The following TMEM50A variants were observed in gnomAD, a reference collection of about 807,000 sequenced individuals.
TMEM50A encodes cervical cancer oncogene 9.
TMEM50A carries 8 observed loss-of-function variants against 23.9 expected under a neutral mutation model. That is an observed-to-expected ratio of 0.33 (90% CI 0.20 to 0.60). The LOEUF (loss-of-function observed/expected upper bound fraction) is 0.60. TMEM50A is among the 20% of genes least tolerant of loss of function. The pLI, the probability that TMEM50A is intolerant of heterozygous loss-of-function variation, is 0.81. For missense variants in TMEM50A, 178 were observed against 192.7 expected (o/e 0.92, Z 0.45); for synonymous variants, 55 against 60.4 (o/e 0.91, Z 0.41).
chr1:25,340,728 T>C lies in TMEM50A; in HGVS notation c.93+149T>C, dbSNP rs10493027. ...ATATTTTGTTGTTTGTGGAGAGTTATTAGTTCCACTTTAAGAGTTTATGGT... is the reference window on the plus strand; with the variant it reads ...ATATTTTGTTGTTTGTGGAGAGTTACTAGTTCCACTTTAAGAGTTTATGGT... On this transcript the variant is annotated intron_variant, in intron 2 of 6. Transcript: ENST00000374358. 3.6e-3 allele frequency: 2,196 copies of C among 609,316 alleles called. 29 individuals are homozygous for C. Among genetic ancestry groups the C allele is most frequent in the East Asian group, 0.023 (779 of 33,448 alleles). 37.7% of individuals were successfully genotyped at this position (609,316 alleles called of 1,614,324 possible).
rs753671964 is a variant in TMEM50A at position 25,351,658 on chromosome 1, G to A, written c.239G>A (p.Gly80Asp). 3.7e-6 allele frequency: 6 copies of A among 1,613,598 alleles called. No homozygotes were observed. The highest frequency in any genetic ancestry group is 5.1e-6 in the Non-Finnish European group (6 of 1,179,872). ...GCAGTATCGAATGGACAAGTCCGAG[G>A]TGATAGTTACAGTGAAGGTTGTCTG... The part of the protein sequence containing the change: ...INAVSNGQVR[G>D]DSYSEGCLGQ... The change falls in exon 4 of 7, where the codon GGT becomes GAT. Residue 80 changes from glycine to aspartate, a missense_variant. By Grantham distance (94) the Gly-to-Asp change is moderately conservative (BLOSUM62 -1). Coordinates refer to ENST00000374358, the MANE Select transcript of TMEM50A (RefSeq NM_014313.4).
chr1:25,352,291 C>T lies in TMEM50A; in HGVS notation c.275-591C>T, dbSNP rs773607907. On this transcript the variant is annotated intron_variant, in intron 4 of 6. Coordinates refer to ENST00000374358, the MANE Select transcript of TMEM50A (RefSeq NM_014313.4). ...CAGGCAGATCACAAGGTCAGGAGATCGAGATCATCCTGGCTAACACAGTGA... is the reference window on the plus strand; with the variant it reads ...CAGGCAGATCACAAGGTCAGGAGATTGAGATCATCCTGGCTAACACAGTGA... 6.6e-5 allele frequency among the ~76,000 whole-genome samples: 10 copies of T among 152,042 alleles called. No individual in the cohort carries two copies. The Middle Eastern group carries it at 0.01, about 155-fold the overall frequency.
At chr1:25,357,987 G>A (rs1351718759) in intron 6 of TMEM50A, among the ~76,000 whole-genome samples, 2 of 134,200 alleles carry the variant, frequency 1.5e-5, no homozygotes, top group East Asian at 2.2e-4. Flanking sequence ...TCACTCTGTC[G>A]CCCAGGCTGG....
Position 25,362,349 on chromosome 1 carries a change from A to G in TMEM50A, c.*1644A>G, listed in dbSNP as rs368829657. The G allele has an allele frequency of 7.4e-7, 1 of 1,359,814 alleles. No homozygotes were observed. 84.2% of individuals were successfully genotyped at this position (1,359,814 alleles called of 1,614,324 possible). The stretch of plus-strand genomic sequence containing the variant: ...CATTTATTTTAAACTTATTAAATTG[A>G]CTCTTAAACTAAGTTTTTAGTCTTT... On this transcript the variant is annotated 3_prime_UTR_variant, in exon 7 of 7. Transcript: ENST00000374358.
chr1:25,350,973 A>G (rs973562135), intron 3 of TMEM50A, among the ~76,000 whole-genome samples: 3 of 151,626 alleles, frequency 2.0e-5, no homozygotes, highest in Admixed American at 6.6e-5. Flanking sequence ...CATCCTGGCT[A>G]ACACGGTGAA....
At position 25,340,574 on chromosome 1, in the gene TMEM50A, G is replaced by A. The variant is rs1645157367; in HGVS notation, c.88G>A (p.Val30Ile). ...RNTIASIAAG[V>I]LFFTGWWIII... ...TACTATTGCTTCCATTGCTGCTGGT[G>A]TACTAGTAAGTGTCATTGATTATTT... Residue 30 changes from valine to isoleucine, a missense_variant, in exon 2 of 7, where the codon GTA (valine) becomes ATA (isoleucine). By Grantham distance (29) the Val-to-Ile change is conservative (BLOSUM62 3). Transcript: ENST00000374358. The A allele has an allele frequency of 6.2e-7, 1 of 1,612,326 alleles. No homozygotes were observed. Among genetic ancestry groups the A allele is most frequent in the African/African-American group, 1.3e-5 (1 of 74,866 alleles).
intron 2 of TMEM50A, 102 bp downstream of exon 2, chr1:25,340,681 T>G (rs1002750278): frequency 4.2e-5 from 30 of 713,114 alleles, no homozygotes; most frequent in Non-Finnish European, 6.5e-5. Context: ...TTATTTTATC[T>G]TTGACCACTT....
Position 25,356,845 on chromosome 1 carries a change from CT to C in TMEM50A, c.426del (p.Phe142LeufsTer20). 2.5e-6 allele frequency: 4 copies of C among 1,584,922 alleles called. No homozygotes were observed. Among genetic ancestry groups the C allele is most frequent in the East Asian group, 2.3e-5 (1 of 43,794 alleles). ...CTGTATTTTTCCAGAATGCCTTCATCTTTTTTGGGTAAGTTTGTTTTGCATT... is the reference window on the plus strand; with the variant it reads ...CTGTATTTTTCCAGAATGCCTTCATCTTTTTGGGTAAGTTTGTTTTGCATT... Reference protein sequence around the residue: ...IAVFFQNAFIFFGGLVFKFGR... With the variant: ...IAVFFQNAFIXFGGLVFKFGR... On this transcript the variant is annotated frameshift_variant, in exon 6 of 7. Transcript: ENST00000374358. LOFTEE classifies it high-confidence loss of function.
intron 4 of TMEM50A, among the ~76,000 whole-genome samples, chr1:25,352,291 C>G (rs773607907): frequency 2.6e-5 from 4 of 151,926 alleles, no homozygotes; most frequent in African/African-American, 4.8e-5. Flanking sequence ...GTCAGGAGAT[C>G]GAGATCATCC....
intron 3 of TMEM50A, among the ~76,000 whole-genome samples, chr1:25,348,292 G>A (rs1645240430): frequency 6.6e-6 from 1 of 152,160 alleles, no homozygotes; most frequent in East Asian, 1.9e-4. Flanking sequence ...TTTCATTAAT[G>A]ACTTTATTAT....
At chr1:25,357,926 C>CGTGCCTGGCCAAG in intron 6 of TMEM50A, among the ~76,000 whole-genome samples, 1 of 150,988 alleles carries the variant, frequency 6.6e-6, no homozygotes, top group Non-Finnish European at 1.5e-5. Flanking sequence ...CATGAGCCAC[C>CGTGCCTGGCCAAG]ACACCCAGCC....
chr1:25,360,698 G>A lies in TMEM50A; in HGVS notation c.467G>A (p.Trp156Ter), dbSNP rs757561575. Residue 156 changes from tryptophan (W) to a stop codon, truncating the protein, a stop_gained, in exon 7 of 7, where the codon TGG becomes TAG. Coordinates refer to ENST00000374358, the MANE Select transcript of TMEM50A (RefSeq NM_014313.4). LOFTEE classifies it high-confidence loss of function. The stretch of plus-strand genomic sequence containing the variant: ...AAGTTTGGCCGCACTGAAGACTTAT[G>A]GCAGTGAACACATCTGATTTCCCAC... ...VFKFGRTEDL[W>*]Q The A allele has an allele frequency of 1.2e-6, 2 of 1,614,040 alleles. No homozygotes were observed. Among genetic ancestry groups the A allele is most frequent in the Non-Finnish European group, 1.7e-6 (2 of 1,179,996 alleles).
chr1:25,345,956 T>C (rs1571799431), intron 3 of TMEM50A, among the ~76,000 whole-genome samples: 1 of 151,404 alleles, frequency 6.6e-6, no homozygotes, highest in African/African-American at 2.4e-5. Flanking sequence ...GCCTGGCTGG[T>C]GTTTGTATTT....
intron 3 of TMEM50A, among the ~76,000 whole-genome samples, chr1:25,348,689 A>AG (rs1224389380): frequency 1.3e-5 from 2 of 151,722 alleles, no homozygotes; most frequent in Non-Finnish European, 2.9e-5. Context: ...ATCTCAAAAA[A>AG]AAAAAAAAGT....
chr1:25,359,041 C>T (rs986777463), intron 6 of TMEM50A, among the ~76,000 whole-genome samples: 1 of 152,214 alleles, frequency 6.6e-6, no homozygotes, highest in African/African-American at 2.4e-5. Flanking sequence ...AGGCATGAGC[C>T]ACTGTGTCTG....
At chr1:25,349,874 G>C (rs1302726572) in intron 3 of TMEM50A, among the ~76,000 whole-genome samples, 1 of 152,202 alleles carries the variant, frequency 6.6e-6, no homozygotes, top group Non-Finnish European at 1.5e-5. Flanking sequence ...TTATATTCTA[G>C]TGTTAGACAC....
At chr1:25,339,629 G>C (rs1364164469) in intron 1 of TMEM50A, among the ~76,000 whole-genome samples, 1 of 152,164 alleles carries the variant, frequency 6.6e-6, no homozygotes, top group Non-Finnish European at 1.5e-5. Flanking sequence ...TTTTTCATTT[G>C]AATCTGTAAT....
Position 25,352,861 on chromosome 1 carries a change from TAA to T in TMEM50A, c.275-18_275-17del. ...ACTGCCCTATAAGAAAGAATTCTGG[TAA>T]AATATTATTTCTTTGAAGGTGCTCG... On this transcript the variant is annotated intron_variant, in intron 4 of 6. Coordinates refer to ENST00000374358, the MANE Select transcript of TMEM50A (RefSeq NM_014313.4). 6.2e-7 allele frequency: 1 copy of T among 1,607,384 alleles called. No individual in the cohort carries two copies. The highest frequency in any genetic ancestry group is 1.7e-5 in the Admixed American group (1 of 58,646).
rs182984383 is a variant in TMEM50A at position 25,343,377 on chromosome 1, A to G, written c.206+304A>G. 9.2e-5 allele frequency among the ~76,000 whole-genome samples: 14 copies of G among 152,304 alleles called. No homozygotes were observed. In the East Asian group the frequency reaches 2.5e-3, roughly 27 times the overall value. On this transcript the variant is annotated intron_variant, in intron 3 of 6. Transcript: ENST00000374358. ...TGTCTAAGGGATAATTCTTTCAACA[A>G]TATTTATTAAGCTTTTATATTCCAG... is the stretch of plus-strand genomic sequence containing the variant.
Sources: gnomAD v4.1 joint callset for allele counts (sites outside exome capture counted in the v4.1 genomes callset) on GRCh38, gnomAD v4.1.1 for gene constraint, MANE v1.5 for transcripts, NCBI Gene and HGNC (gene_info 2026-07-23, HGNC 2026-07-21) for gene names.